NLGN4X: variants seen among roughly 807,000 people sequenced by gnomAD.
NLGN4X encodes neuroligin-4, X-linked.
NLGN4X carries 3 observed loss-of-function variants against 40.3 expected under a neutral mutation model. That is an observed-to-expected ratio of 0.07 (90% CI 0.03 to 0.19). NLGN4X has a LOEUF of 0.19. Among genes scored for constraint, NLGN4X ranks in the 10% least tolerant of loss-of-function variants. The pLI is 1.00. For missense variants in NLGN4X, 382 were observed against 708.3 expected, an observed-to-expected ratio of 0.54 and a Z score of 5.23; for synonymous variants, 270 against 306.8, an observed-to-expected ratio of 0.88 and a Z score of 1.25.
At chrX:6,192,208 G>C (rs1482941261) in intron 1 of NLGN4X, among the ~76,000 whole-genome samples, 1 of 111,202 alleles carries the variant, frequency 9.0e-6, no homozygotes, top group East Asian at 2.9e-4. Context: ...CAGCTACACA[G>C]CCTCAAACTC....
chrX:5,998,824 G>C (rs2035900562), intron 3 of NLGN4X, among the ~76,000 whole-genome samples: 1 of 112,609 alleles, frequency 8.9e-6, no homozygotes, highest in Non-Finnish European at 1.9e-5. Context: ...TTGATACGGG[G>C]TGCATGTTTT....
intron 2 of NLGN4X, among the ~76,000 whole-genome samples, chrX:6,038,888 G>T (rs2037087646): frequency 1.8e-5 from 2 of 111,499 alleles, no homozygotes; most frequent in Non-Finnish European, 3.8e-5. Context: ...ACATCTGGGG[G>T]CTGAGTACCT....
chrX:6,117,776 T>C (rs1169570544), intron 2 of NLGN4X, among the ~76,000 whole-genome samples: 1 of 110,619 alleles, frequency 9.0e-6, no homozygotes, highest in Non-Finnish European at 1.9e-5. Flanking sequence ...GAAAAATGCT[T>C]TGGACAATCG....
chrX:5,980,070 G>GTA (rs2035337348), intron 3 of NLGN4X, among the ~76,000 whole-genome samples: 1 of 105,887 alleles, frequency 9.4e-6, no homozygotes, highest in South Asian at 4.0e-4. Context: ...CATATGTGTA[G>GTA]TATACTGTAT....
At chrX:6,214,206 G>A (rs773466666) in intron 1 of NLGN4X, among the ~76,000 whole-genome samples, 3 of 111,625 alleles carry the variant, frequency 2.7e-5, no homozygotes, top group Non-Finnish European at 5.6e-5. Context: ...ACAACACAGC[G>A]GGTTCTGTTC....
chrX:5,892,507 T>G lies in NLGN4X; in HGVS notation c.*310A>C. 3.5e-6 allele frequency: 1 copy of G among 284,748 alleles called. No individual in the cohort carries two copies. Among genetic ancestry groups the G allele is most frequent in the Non-Finnish European group, 6.3e-6 (1 of 159,271 alleles). The allele number at this position is 284,748 out of a possible 1,213,427, so 23.5% of individuals were successfully genotyped here. A position where few individuals can be genotyped will look rare whatever the true frequency, so the allele number is the denominator to read the frequency against. ...GTTGGAAACACCCGGGGCCTTGAAA[T>G]GGTGATGTCCTATCACACTAAACAT... On this transcript the variant is annotated 3_prime_UTR_variant, in exon 6 of 6. Transcript: ENST00000381095.
chrX:6,077,621 C>A (rs2038240730), intron 2 of NLGN4X, among the ~76,000 whole-genome samples: 1 of 111,085 alleles, frequency 9.0e-6, no homozygotes, highest in African/African-American at 3.3e-5. Context: ...CCAAAATTAT[C>A]TCACTTTTCC....
At chrX:6,143,760 AG>A (rs2039994590) in intron 2 of NLGN4X, among the ~76,000 whole-genome samples, 1 of 112,102 alleles carries the variant, frequency 8.9e-6, no homozygotes, top group East Asian at 2.8e-4. Flanking sequence ...TTGAGATGAA[AG>A]GATCACTTGA....
At chrX:5,980,965 G>A (rs2035369890) in intron 3 of NLGN4X, among the ~76,000 whole-genome samples, 1 of 111,315 alleles carries the variant, frequency 9.0e-6, no homozygotes, top group African/African-American at 3.3e-5. Context: ...ATTTGGGATT[G>A]CAAAGAGTCT....
chrX:6,225,550 G>C (rs941261569), intron 1 of NLGN4X, among the ~76,000 whole-genome samples: 2 of 108,733 alleles, frequency 1.8e-5, no homozygotes, highest in East Asian at 5.8e-4. Flanking sequence ...TCTAGCTGGA[G>C]AAGGAAGCTA....
intron 1 of NLGN4X, among the ~76,000 whole-genome samples, chrX:6,193,844 C>G (rs112913242): frequency 0.029 from 3,297 of 112,114 alleles, 121 homozygotes; most frequent in African/African-American, 0.1. Flanking sequence ...CATCAACTCA[C>G]TGTATTTCTC....
At chrX:6,008,227 C>A (rs1388369299) in intron 3 of NLGN4X, among the ~76,000 whole-genome samples, 1 of 111,985 alleles carries the variant, frequency 8.9e-6, no homozygotes, top group Non-Finnish European at 1.9e-5. Flanking sequence ...AACTCTGTAA[C>A]CATGACACGC....
chrX:6,214,817 T>A (rs766762476), intron 1 of NLGN4X, among the ~76,000 whole-genome samples: 1 of 112,235 alleles, frequency 8.9e-6, no homozygotes, highest in Admixed American at 9.4e-5. Flanking sequence ...AAAGATCTTA[T>A]CCTTTCTTAA....
intron 1 of NLGN4X, among the ~76,000 whole-genome samples, chrX:6,221,701 T>C (rs1055121343): frequency 9.1e-6 from 1 of 110,191 alleles, no homozygotes; most frequent in Non-Finnish European, 1.9e-5. Context: ...CAGAGAGTAC[T>C]GAAGAGTGGA....
chrX:6,082,814 C>A (rs2038383302), intron 2 of NLGN4X, among the ~76,000 whole-genome samples: 2 of 108,593 alleles, frequency 1.8e-5, no homozygotes, highest in Middle Eastern at 4.7e-3. Flanking sequence ...GGGGCAAGGG[C>A]ACGAGGTGTA....
At chrX:6,190,421 GTC>G (rs1922442253) in intron 1 of NLGN4X, among the ~76,000 whole-genome samples, 1 of 112,096 alleles carries the variant, frequency 8.9e-6, no homozygotes, top group Non-Finnish European at 1.9e-5. Context: ...AAGAAAATTT[GTC>G]AATAACCAAT....
At chrX:6,087,553 A>G (rs924481013) in intron 2 of NLGN4X, among the ~76,000 whole-genome samples, 3 of 112,114 alleles carry the variant, frequency 2.7e-5, no homozygotes, top group Non-Finnish European at 5.6e-5. Context: ...TTCAGTTGCA[A>G]TGATCACCTA....
intron 1 of NLGN4X, among the ~76,000 whole-genome samples, chrX:6,172,716 A>G (rs757238195): frequency 8.9e-6 from 1 of 111,993 alleles, no homozygotes; most frequent in South Asian, 3.8e-4. Context: ...AGGATGTAAG[A>G]CTGTCTTTTC....
intron 2 of NLGN4X, among the ~76,000 whole-genome samples, chrX:6,061,997 C>T (rs904401970): frequency 1.8e-5 from 2 of 111,901 alleles, no homozygotes; most frequent in South Asian, 3.7e-4. Context: ...TAGATACCAT[C>T]GACACTATCT....
Sources: gnomAD v4.1 joint callset for allele counts (sites outside exome capture counted in the v4.1 genomes callset) on GRCh38, gnomAD v4.1.1 for gene constraint, MANE v1.5 for transcripts, NCBI Gene and HGNC (gene_info 2026-07-23, HGNC 2026-07-21) for gene names.